Variants in TAF4B observed in about 807,000 individuals in gnomAD.
The protein encoded by TAF4B is transcription initiation factor TFIID subunit 4B.
TAF4B carries 38 observed loss-of-function variants against 86.4 expected under a neutral mutation model. That is an observed-to-expected ratio of 0.44 (90% confidence interval 0.34 to 0.58). The LOEUF is 0.58. Among genes scored for constraint, TAF4B ranks in the 20% least tolerant of loss-of-function variants. The probability of loss-of-function intolerance (pLI) is 0.02; values close to 1 mark genes in which losing one functional copy is unlikely to be tolerated. For synonymous variants in TAF4B, 388 were observed against 391.2 expected, an observed-to-expected ratio of 0.99 and a Z score of 0.10; for missense variants, 988 against 1,027.6, an observed-to-expected ratio of 0.96 and a Z score of 0.53.
At chr18:26,348,193 A>G (rs138659307) in intron 13 of TAF4B, among the ~76,000 whole-genome samples, 2 of 152,226 alleles carry the variant, frequency 1.3e-5, no homozygotes, top group East Asian at 3.8e-4. Flanking sequence ...CAAACATTTT[A>G]AAATATCAAA....
intron 7 of TAF4B, among the ~76,000 whole-genome samples, chr18:26,291,389 C>T (rs984845180): frequency 6.6e-6 from 1 of 151,756 alleles, no homozygotes; most frequent in African/African-American, 2.4e-5. Flanking sequence ...TACTTTAGAC[C>T]GGGCGTGGTG....
intron 2 of TAF4B, 94 bp from the exon 3 acceptor site, chr18:26,267,422 G>T: frequency 1.3e-6 from 1 of 792,334 alleles, no homozygotes; most frequent in East Asian, 2.5e-5. Flanking sequence ...AAATACATTT[G>T]CTGTCATAAA....
rs376540984 is a variant in TAF4B, at chr18:26,274,804, G to A, written c.739G>A (p.Val247Ile). 3.3e-5 allele frequency: 54 copies of A among 1,614,042 alleles called. No individual in the cohort carries two copies. The highest frequency in any genetic ancestry group is 4.6e-5 in the Non-Finnish European group (54 of 1,180,032). The change falls in exon 4 of 15, where the codon GTT (valine) becomes ATT (isoleucine). Residue 247 changes from valine (V) to isoleucine (I), a missense_variant. Transcript: ENST00000269142. ...PNLKAENSAAVQINLSPTMLE... is the reference protein window; with the variant it reads ...PNLKAENSAAIQINLSPTMLE... ...TCTTAAAGCAGAGAACTCAGCAGCTGTTCAGATTAATCTTTCTCCGGTAAG... is the reference window on the plus strand; with the variant it reads ...TCTTAAAGCAGAGAACTCAGCAGCTATTCAGATTAATCTTTCTCCGGTAAG...
intron 9 of TAF4B, among the ~76,000 whole-genome samples, chr18:26,305,949 C>T (rs1464779813): frequency 3.3e-5 from 5 of 152,238 alleles, no homozygotes; most frequent in African/African-American, 1.2e-4. Context: ...AGATTCCCAT[C>T]TGAAACCATG....
intron 3 of TAF4B, among the ~76,000 whole-genome samples, chr18:26,269,267 GCTT>G (rs1351584648): frequency 1.3e-5 from 2 of 152,070 alleles, no homozygotes; most frequent in Admixed American, 6.6e-5. Context: ...GGCCATTCAT[GCTT>G]CTTCTCCTTG....
chr18:26,361,490 AATCCC>A (rs1387963197), intron 14 of TAF4B, among the ~76,000 whole-genome samples: 10 of 151,784 alleles, frequency 6.6e-5, no homozygotes, highest in Non-Finnish European at 1.3e-4. Flanking sequence ...TCACACCTGT[AATCCC>A]AGCACATTGG....
At chr18:26,349,224 C>T (rs2057224547) in intron 13 of TAF4B, among the ~76,000 whole-genome samples, 2 of 152,050 alleles carry the variant, frequency 1.3e-5, no homozygotes, top group Non-Finnish European at 2.9e-5. Context: ...GCATAGTACC[C>T]AGTAGTTAGT....
chr18:26,302,215 G>A (rs1362857586), intron 9 of TAF4B, among the ~76,000 whole-genome samples: 1 of 151,748 alleles, frequency 6.6e-6, no homozygotes, highest in Non-Finnish European at 1.5e-5. Flanking sequence ...TTCTTTTATG[G>A]TATATTTTGA....
chr18:26,261,783 T>A (rs932099610), intron 1 of TAF4B, among the ~76,000 whole-genome samples: 4 of 152,236 alleles, frequency 2.6e-5, no homozygotes, highest in Non-Finnish European at 5.9e-5. Context: ...CTAGTAGACT[T>A]ATGGTTTAGC....
At chr18:26,381,464 C>T (rs1785584) in intron 14 of TAF4B, among the ~76,000 whole-genome samples, 53,036 of 151,622 alleles carry the variant, frequency 0.35, 11,331 homozygotes, top group East Asian at 0.8. Flanking sequence ...CGGTAGCTCA[C>T]GCCTGTAATC....
intron 1 of TAF4B, among the ~76,000 whole-genome samples, chr18:26,238,464 C>T (rs995241456): frequency 1.3e-5 from 2 of 150,790 alleles, no homozygotes; most frequent in African/African-American, 5.0e-5. Flanking sequence ...CAGATAGTCC[C>T]CACTCTGCAG....
intron 12 of TAF4B, among the ~76,000 whole-genome samples, chr18:26,328,487 A>AG (rs1398388920): frequency 1.3e-5 from 2 of 152,162 alleles, no homozygotes; most frequent in Admixed American, 1.3e-4. Context: ...AAAAAACTCC[A>AG]GAAAAACCTA....
At chr18:26,288,051 G>T (rs1464504580) in intron 7 of TAF4B, among the ~76,000 whole-genome samples, 1 of 152,108 alleles carries the variant, frequency 6.6e-6, no homozygotes, top group Non-Finnish European at 1.5e-5. Flanking sequence ...CATTGTTCTG[G>T]GCAGCCAGGT....
intron 7 of TAF4B, among the ~76,000 whole-genome samples, chr18:26,291,846 T>G (rs2056597798): frequency 6.6e-6 from 1 of 151,868 alleles, no homozygotes. Context: ...GGCAGGGAAG[T>G]GAGTAGGGGT....
chr18:26,261,452 G>A (rs567380373), intron 1 of TAF4B, among the ~76,000 whole-genome samples: 13 of 152,074 alleles, frequency 8.5e-5, no homozygotes, highest in South Asian at 2.1e-4. Context: ...CGCCCGCCTC[G>A]GCCTCCCAAA....
At chr18:26,256,300 T>G (rs1351668696) in intron 1 of TAF4B, 1 of 1,448,842 alleles carries the variant, frequency 6.9e-7, no homozygotes, top group Non-Finnish European at 9.7e-7. Context: ...GACTTAGCTC[T>G]GCAAATACAG....
Position 26,327,077 on chromosome 18 carries a change from G to A in TAF4B, c.2196G>A (p.Leu732=), listed in dbSNP as rs753654082. 1 of 1,613,620 alleles carries A rather than the reference G, an allele frequency of 6.2e-7. No individual in the cohort carries two copies. The highest frequency in any genetic ancestry group is 1.3e-5 in the African/African-American group (1 of 75,002). The change falls in exon 12 of 15, where the codon CTG becomes CTA. Residue 732 remains leucine (L), a synonymous_variant. Coordinates refer to ENST00000269142, the MANE Select transcript of TAF4B (RefSeq NM_005640.3). ...CACAGCTCAAATTTCTTGAAAAGCT[G>A]GATCAATTGGAGAAGCAGAGAAAGG... The part of the protein sequence containing the change: ...TRSQLKFLEK[L]DQLEKQRKDL...
intron 14 of TAF4B, among the ~76,000 whole-genome samples, chr18:26,362,741 T>C (rs2057341066): frequency 6.6e-6 from 1 of 152,336 alleles, no homozygotes; most frequent in East Asian, 1.9e-4. Flanking sequence ...AACTCAGGCA[T>C]GCATATTTTC....
intron 1 of TAF4B, chr18:26,256,009 A>C: frequency 1.6e-6 from 2 of 1,273,110 alleles, no homozygotes; most frequent in Admixed American, 1.7e-5. Context: ...CAGAATTACG[A>C]TGTTTAAATT....
Sources: allele counts gnomAD v4.1 joint callset (sites outside exome capture counted in the v4.1 genomes callset), GRCh38; gene constraint gnomAD v4.1.1; transcripts MANE v1.5; gene names NCBI Gene and HGNC (gene_info 2026-07-23, HGNC 2026-07-21).